The following GLIS3 variants were observed in gnomAD, a reference collection of about 807,000 sequenced individuals.
The protein encoded by GLIS3 is GLIS family zinc finger 3.
In GLIS3, 53 loss-of-function variants were observed where a neutral mutation model predicts 78.6. The ratio of observed to expected loss-of-function variants is 0.67; its 90% CI spans 0.54 to 0.85. The LOEUF (loss-of-function observed/expected upper bound fraction) is 0.85. Ranked by LOEUF, GLIS3 falls within the 40% of genes least tolerant of loss-of-function variation. The pLI, the probability that GLIS3 is intolerant of heterozygous loss-of-function variation, is 0.00. For synonymous variants in GLIS3, 684 were observed against 509.9 expected (o/e 1.34, Z -4.60); for missense variants, 1,703 against 1,231.1 (o/e 1.38, Z -5.74).
chr9:4,367,074 T>C, the GLIS3 span, among the ~76,000 whole-genome samples: 4 of 152,244 alleles, frequency 2.6e-5, no homozygotes, highest in African/African-American at 9.6e-5. Flanking sequence ...AGAGAGCTAA[T>C]ATTAAAACCC....
chr9:3,905,753 T>C (rs1228360658), intron 6 of GLIS3, among the ~76,000 whole-genome samples: 2 of 152,128 alleles, frequency 1.3e-5, no homozygotes, highest in Non-Finnish European at 1.5e-5. Flanking sequence ...GAACTCAGTA[T>C]CCCTTGCTAA....
the GLIS3 span, among the ~76,000 whole-genome samples, chr9:4,356,029 G>C: frequency 7.2e-4 from 110 of 152,196 alleles, no homozygotes; most frequent in Non-Finnish European, 1.3e-3. Flanking sequence ...AAATTAGTTA[G>C]TCAAAAAATA....
At chr9:4,166,745 G>C (rs1346882677) in intron 2 of GLIS3, among the ~76,000 whole-genome samples, 2 of 152,222 alleles carry the variant, frequency 1.3e-5, no homozygotes, top group Admixed American at 1.3e-4. Context: ...GAAGGCATAA[G>C]TGAACAGAGG....
chr9:4,381,861 G>C, the GLIS3 span, among the ~76,000 whole-genome samples: 2 of 152,160 alleles, frequency 1.3e-5, no homozygotes, highest in African/African-American at 4.8e-5. Context: ...GTTGGTTCTG[G>C]AAGTAGCTGT....
intron 2 of GLIS3, among the ~76,000 whole-genome samples, chr9:4,240,857 A>C (rs1823237472): frequency 6.6e-6 from 1 of 152,174 alleles, no homozygotes; most frequent in African/African-American, 2.4e-5. Context: ...AAATTAAAAT[A>C]AAAGTTAAAA....
In GLIS3 at chr9:4,232,200, A is replaced by C. The variant is rs1822315571; in HGVS notation, c.388+53838T>G. On this transcript the variant is annotated intron_variant, in intron 2 of 10. Transcript: ENST00000381971. ...CAAGACCATCCTAAGCAACATAGCA[A>C]GATTCTGTCTCTACAGAAAAATTTA... Among the ~76,000 whole-genome samples the C allele has an allele frequency of 2.0e-5, 3 of 152,194 alleles. 1 individual carries two copies. In the South Asian group the frequency reaches 6.2e-4, roughly 32 times the overall value.
At chr9:3,856,474 A>C (rs150200772) in intron 8 of GLIS3, among the ~76,000 whole-genome samples, 7 of 152,320 alleles carry the variant, frequency 4.6e-5, no homozygotes. Flanking sequence ...CAAATACACT[A>C]TGTTTGGTGA....
At chr9:4,254,195 T>C (rs914533797) in intron 2 of GLIS3, among the ~76,000 whole-genome samples, 1 of 152,190 alleles carries the variant, frequency 6.6e-6, no homozygotes, top group African/African-American at 2.4e-5. Flanking sequence ...TGTACAAACA[T>C]AAATAAGATT....
intron 4 of GLIS3, among the ~76,000 whole-genome samples, chr9:4,062,503 T>C (rs1183682820): frequency 6.6e-6 from 1 of 152,234 alleles, no homozygotes; most frequent in Non-Finnish European, 1.5e-5. Context: ...GTGTCAACCA[T>C]ATCACATATT....
chr9:3,983,028 G>T (rs969522089), intron 4 of GLIS3, among the ~76,000 whole-genome samples: 1 of 152,200 alleles, frequency 6.6e-6, no homozygotes, highest in Admixed American at 6.5e-5. Flanking sequence ...TGCACATGGA[G>T]CTTGATGTGG....
chr9:4,262,077 G>A (rs7023292), intron 2 of GLIS3, among the ~76,000 whole-genome samples: 52,815 of 151,798 alleles, frequency 0.35, 9,475 homozygotes, highest in Admixed American at 0.4. Context: ...AAAGAGACCC[G>A]GTCTAGTCCA....
At chr9:4,072,763 A>C (rs1268275795) in intron 4 of GLIS3, among the ~76,000 whole-genome samples, 1 of 150,810 alleles carries the variant, frequency 6.6e-6, no homozygotes, top group Non-Finnish European at 1.5e-5. Flanking sequence ...TGTTGTTGTT[A>C]TATCACTGTG....
chr9:4,152,903 A>G (rs1003955551), intron 2 of GLIS3, among the ~76,000 whole-genome samples: 55 of 152,238 alleles, frequency 3.6e-4, no homozygotes, highest in Non-Finnish European at 6.9e-4. Flanking sequence ...AGAAAGCAAC[A>G]TATAATAAGT....
chr9:4,159,116 C>G (rs1272431050), intron 2 of GLIS3, among the ~76,000 whole-genome samples: 1 of 151,376 alleles, frequency 6.6e-6, no homozygotes, highest in Non-Finnish European at 1.5e-5. Context: ...AGATGGCTCA[C>G]CAGTCTCAAC....
intron 4 of GLIS3, among the ~76,000 whole-genome samples, chr9:4,063,516 G>C (rs1378589120): frequency 1.3e-5 from 2 of 151,618 alleles, no homozygotes; most frequent in African/African-American, 2.4e-5. Flanking sequence ...TGTCTCAATA[G>C]AGCTTTTAAA....
intron 2 of GLIS3, chr9:4,147,223 T>C (rs1172304120): frequency 1.3e-5 from 2 of 152,240 alleles, no homozygotes; most frequent in Admixed American, 1.3e-4. Flanking sequence ...TCCTCTTCCT[T>C]CACGTACCTC....
intron 2 of GLIS3, among the ~76,000 whole-genome samples, chr9:4,229,169 G>A (rs559330702): frequency 7.9e-5 from 12 of 152,206 alleles, no homozygotes; most frequent in Non-Finnish European, 1.6e-4. Flanking sequence ...GGATACATGA[G>A]GGAACAGCAA....
chr9:4,480,491 A>G, the GLIS3 span, among the ~76,000 whole-genome samples: 2 of 152,152 alleles, frequency 1.3e-5, no homozygotes, highest in East Asian at 3.9e-4. Flanking sequence ...ATGGGCCACC[A>G]TGCCCAGCCA....
At chr9:4,070,895 A>C (rs913277767) in intron 4 of GLIS3, 3 of 152,218 alleles carry the variant, frequency 2.0e-5, no homozygotes, top group African/African-American at 7.2e-5. Context: ...CACAGTAGCA[A>C]AATTAAAGCA....
Sources: gnomAD v4.1 joint callset for allele counts (sites outside exome capture counted in the v4.1 genomes callset) on GRCh38, gnomAD v4.1.1 for gene constraint, MANE v1.5 for transcripts, NCBI Gene and HGNC (gene_info 2026-07-23, HGNC 2026-07-21) for gene names.